Variants in FAM107B observed in about 807,000 individuals in gnomAD.
The protein encoded by FAM107B is family with sequence similarity 107 member B, also known as protein FAM107B.
A neutral mutation model predicts 31.5 loss-of-function variants in FAM107B; 21 were observed. That is an observed-to-expected ratio of 0.67 (90% CI 0.47 to 0.96). The LOEUF (loss-of-function observed/expected upper bound fraction) is 0.96, where lower values mean the gene tolerates loss of function less well. Among genes scored for constraint, FAM107B ranks in the 40% least tolerant of loss-of-function variants. The probability of loss-of-function intolerance (pLI) is 0.00; values close to 1 mark genes in which losing one functional copy is unlikely to be tolerated. For synonymous variants in FAM107B, 157 were observed against 141.5 expected, an observed-to-expected ratio of 1.11 and a Z score of -0.78; for missense variants, 452 against 377.1, an observed-to-expected ratio of 1.20 and a Z score of -1.64.
chr10:14,601,758 C>A (rs549531767), intron 2 of FAM107B, among the ~76,000 whole-genome samples: 1 of 152,218 alleles, frequency 6.6e-6, no homozygotes, highest in African/African-American at 2.4e-5. Flanking sequence ...AGGGAAGGGG[C>A]AGAAGGTAAG....
intron 1 of FAM107B, among the ~76,000 whole-genome samples, chr10:14,736,722 G>T (rs1269054293): frequency 1.3e-5 from 2 of 152,086 alleles, no homozygotes; most frequent in Non-Finnish European, 2.9e-5. Context: ...TCTGGCCAGG[G>T]GTAAATATTC....
intron 2 of FAM107B, among the ~76,000 whole-genome samples, chr10:14,603,111 G>A (rs1451272845): frequency 2.0e-5 from 3 of 151,862 alleles, no homozygotes; most frequent in Non-Finnish European, 4.4e-5. Flanking sequence ...GAGCATATGA[G>A]TGGTTTTTTT....
intron 1 of FAM107B, among the ~76,000 whole-genome samples, chr10:14,731,810 C>T (rs560109490): frequency 6.6e-6 from 1 of 152,282 alleles, no homozygotes; most frequent in East Asian, 1.9e-4. Context: ...AGCCCAGGAG[C>T]AATAGGCTAC....
intron 1 of FAM107B, among the ~76,000 whole-genome samples, chr10:14,767,506 G>C (rs1453488284): frequency 6.6e-6 from 1 of 151,864 alleles, no homozygotes; most frequent in Non-Finnish European, 1.5e-5. Flanking sequence ...ATACAATGAT[G>C]GTCAACATAG....
Position 14,728,210 on chromosome 10 carries a change from T to A in FAM107B, c.411+46043A>T, listed in dbSNP as rs556230512. On this transcript the variant is annotated intron_variant, in intron 1 of 4. Transcript: ENST00000181796. The stretch of plus-strand genomic sequence containing the variant: ...ATTTTTAATATCAACTGCACTTGCA[T>A]CATTTTTTTAGTCAAAGTTTTTCCA... 2.6e-5 allele frequency among the ~76,000 whole-genome samples: 4 copies of A among 152,328 alleles called. No individual in the cohort carries two copies. In the South Asian group the frequency reaches 8.3e-4, roughly 32 times the overall value.
intron 2 of FAM107B, among the ~76,000 whole-genome samples, chr10:14,631,688 C>A (rs75881921): frequency 0.037 from 5,673 of 152,126 alleles, 161 homozygotes; most frequent in East Asian, 0.13. Flanking sequence ...CTCCTGGGTC[C>A]CCACCCCGGC....
At chr10:14,725,325 G>C (rs1211521603) in intron 1 of FAM107B, among the ~76,000 whole-genome samples, 3 of 152,216 alleles carry the variant, frequency 2.0e-5, no homozygotes, top group Non-Finnish European at 4.4e-5. Context: ...TGGAGAAAGA[G>C]ATTGAGATTT....
At chr10:14,714,318 G>A in intron 1 of FAM107B, among the ~76,000 whole-genome samples, 1 of 137,556 alleles carries the variant, frequency 7.3e-6, no homozygotes, top group Middle Eastern at 3.5e-3. Flanking sequence ...GACCCCTACA[G>A]CCTCTGTTAG....
rs55755349 is a variant in FAM107B, at chr10:14,668,055, T to G, written c.412-364A>C. Among the ~76,000 whole-genome samples the G allele has an allele frequency of 5.0e-3, 706 of 142,000 alleles. 4 individuals carry two copies. The highest frequency in any genetic ancestry group is 7.8e-3 in the Non-Finnish European group (530 of 67,812). The allele number at this position is 142,000 out of a possible 152,430, so 93.2% of individuals were successfully genotyped here. Reference sequence around the variant, plus strand: ...TTTTTTTTGTTTTTTGTTTTTTGGGTTTTTTTTGGTGGAGTCTCACTCTGT... The same window carrying G: ...TTTTTTTTGTTTTTTGTTTTTTGGGGTTTTTTTGGTGGAGTCTCACTCTGT... On this transcript the variant is annotated intron_variant, in intron 1 of 4. Coordinates refer to ENST00000181796, the MANE Select transcript of FAM107B (RefSeq NM_031453.4).
At position 14,518,775 on chromosome 10, in the gene FAM107B, T is replaced by TAGAA. The variant is rs1845358902; in HGVS notation, c.*2414_*2415insTTCT. 6.6e-6 allele frequency: 1 copy of TAGAA among 152,626 alleles called. No homozygotes were observed. The highest frequency in any genetic ancestry group is 1.5e-5 in the Non-Finnish European group (1 of 68,044). The allele number at this position is 152,626 out of a possible 1,614,324, so 9.5% of individuals were successfully genotyped here. A position where few individuals can be genotyped will look rare whatever the true frequency, so the allele number is the denominator to read the frequency against. ...CAGAGTAGAAGAATAAAGTCGACTG[T>TAGAA]TATAGCTTAGAAAGCAACACTACTA... On this transcript the variant is annotated 3_prime_UTR_variant, in exon 5 of 5. Coordinates refer to ENST00000181796, the MANE Select transcript of FAM107B (RefSeq NM_031453.4).
intron 1 of FAM107B, among the ~76,000 whole-genome samples, chr10:14,720,347 G>A (rs1261450609): frequency 6.6e-6 from 1 of 152,098 alleles, no homozygotes; most frequent in Non-Finnish European, 1.5e-5. Context: ...TCCGCCTCCC[G>A]TGTTCAAGTG....
chr10:14,525,501 C>T (rs752238659), intron 3 of FAM107B, among the ~76,000 whole-genome samples: 13 of 152,204 alleles, frequency 8.5e-5, no homozygotes, highest in African/African-American at 3.1e-4. Flanking sequence ...ACCACTCCAT[C>T]GCAAATGTTC....
chr10:14,677,665 C>G (rs946541095), intron 1 of FAM107B, among the ~76,000 whole-genome samples: 1 of 152,032 alleles, frequency 6.6e-6, no homozygotes, highest in Non-Finnish European at 1.5e-5. Context: ...ACCAGAACCC[C>G]ACACCCAGAG....
intron 2 of FAM107B, among the ~76,000 whole-genome samples, chr10:14,575,405 G>A (rs1347755200): frequency 6.6e-6 from 1 of 152,134 alleles, no homozygotes; most frequent in Non-Finnish European, 1.5e-5. Flanking sequence ...ATTTCACCAT[G>A]TTGGCCAGGC....
rs182121875 is a variant in FAM107B at position 14,625,701 on chromosome 10, T to C, written c.469+41933A>G. Among the ~76,000 whole-genome samples, 262 of 151,970 alleles carry C rather than the reference T, an allele frequency of 1.7e-3. 3 individuals carry two copies. Among genetic ancestry groups the C allele is most frequent in the Non-Finnish European group, 1.3e-3 (87 of 67,962 alleles). ...TCAAATTTCTTGGTCATTTTTATGG[T>C]GAAATTCTCGTGGTTTCAGAGTCCA... On this transcript the variant is annotated intron_variant, in intron 2 of 4. Coordinates refer to ENST00000181796, the MANE Select transcript of FAM107B (RefSeq NM_031453.4).
chr10:14,552,471 G>GAAAA (rs11404049), intron 2 of FAM107B, among the ~76,000 whole-genome samples: 1 of 149,392 alleles, frequency 6.7e-6, no homozygotes. Flanking sequence ...ACCCAACAAT[G>GAAAA]AAAAAAAAAA....
chr10:14,700,703 A>G (rs1855377784), intron 1 of FAM107B, among the ~76,000 whole-genome samples: 1 of 151,868 alleles, frequency 6.6e-6, no homozygotes, highest in African/African-American at 2.4e-5. Context: ...TTTCCCCCAG[A>G]TGTTGAAACA....
At chr10:14,672,181 C>T (rs1185593964) in intron 1 of FAM107B, among the ~76,000 whole-genome samples, 1 of 151,782 alleles carries the variant, frequency 6.6e-6, no homozygotes, top group Non-Finnish European at 1.5e-5. Context: ...CTCCACCTTC[C>T]AGGTTCAAGC....
At chr10:14,541,127 C>T (rs571666598) in intron 2 of FAM107B, among the ~76,000 whole-genome samples, 2 of 152,118 alleles carry the variant, frequency 1.3e-5, no homozygotes, top group Non-Finnish European at 2.9e-5. Context: ...ATCTGAAAAT[C>T]GCCCCCTATC....
Sources: gnomAD v4.1 joint callset for allele counts (sites outside exome capture counted in the v4.1 genomes callset) on GRCh38, gnomAD v4.1.1 for gene constraint, MANE v1.5 for transcripts, NCBI Gene and HGNC (gene_info 2026-07-23, HGNC 2026-07-21) for gene names.